The following GNB4 variants were observed in gnomAD, a reference collection of about 807,000 sequenced individuals.
The protein encoded by GNB4 is guanine nucleotide-binding protein subunit beta-4.
Under a neutral mutation model 45.2 loss-of-function variants are expected in GNB4, and 28 were observed. That is an observed-to-expected ratio of 0.62 (90% CI 0.46 to 0.85). The LOEUF is 0.85. Ranked by LOEUF, GNB4 falls within the 40% of genes least tolerant of loss-of-function variation. The pLI is 0.00. For synonymous variants in GNB4, 132 were observed against 143.7 expected (o/e 0.92, Z 0.58); for missense variants, 321 against 425.4 (o/e 0.75, Z 2.16).
intron 1 of GNB4, among the ~76,000 whole-genome samples, chr3:179,430,448 C>G (rs1030038825): frequency 1.3e-5 from 2 of 151,738 alleles, no homozygotes; most frequent in African/African-American, 4.8e-5. Flanking sequence ...AATTCCTCCA[C>G]TGGTGATTCA....
chr3:179,450,323 C>G (rs1007199641), intron 1 of GNB4, among the ~76,000 whole-genome samples: 1 of 152,172 alleles, frequency 6.6e-6, no homozygotes, highest in Non-Finnish European at 1.5e-5. Context: ...CAGCCGTCCT[C>G]CTCTCCGACT....
chr3:179,464,489 G>A, the GNB4 span: 5 of 1,611,476 alleles, frequency 3.1e-6, no homozygotes, highest in South Asian at 3.3e-5. Flanking sequence ...TGGCCCAGCA[G>A]ATCAAGCAGG....
chr3:179,441,426 T>C (rs1371938210), intron 1 of GNB4, among the ~76,000 whole-genome samples: 1 of 152,016 alleles, frequency 6.6e-6, no homozygotes, highest in Non-Finnish European at 1.5e-5. Flanking sequence ...TATCTAAATA[T>C]AGAAAAGACA....
the GNB4 span, among the ~76,000 whole-genome samples, chr3:179,480,546 C>G: frequency 6.7e-6 from 1 of 149,618 alleles, no homozygotes; most frequent in Non-Finnish European, 1.5e-5. Context: ...AATAAGGATC[C>G]TCTCGGAGGA....
chr3:179,413,397 A>G lies in GNB4; in HGVS notation c.699+15T>C. 5 of 1,601,836 alleles carry G rather than the reference A, an allele frequency of 3.1e-6. No homozygotes were observed. The highest frequency in any genetic ancestry group is 4.3e-6 in the Non-Finnish European group (5 of 1,168,838). Reference sequence around the variant, plus strand: ...AATGCATAATAAATTTTCTCTAGAAATGCTATTCACTTACACTGACAGCAT... The same window carrying G: ...AATGCATAATAAATTTTCTCTAGAAGTGCTATTCACTTACACTGACAGCAT... On this transcript the variant is annotated intron_variant, in intron 8 of 9. Transcript: ENST00000232564.
the GNB4 span, among the ~76,000 whole-genome samples, chr3:179,461,849 A>G: frequency 6.6e-6 from 1 of 152,232 alleles, no homozygotes; most frequent in Non-Finnish European, 1.5e-5. Context: ...CATAGAACAC[A>G]AGGGTGATGC....
the GNB4 span, among the ~76,000 whole-genome samples, chr3:179,491,237 T>C: frequency 6.6e-6 from 1 of 152,164 alleles, no homozygotes; most frequent in Non-Finnish European, 1.5e-5. Flanking sequence ...ATTAGAAGAA[T>C]AAAAAATTTT....
At chr3:179,457,904 CT>C in the GNB4 span, among the ~76,000 whole-genome samples, 20,717 of 137,770 alleles carry the variant, frequency 0.15, 1,454 homozygotes, top group Admixed American at 0.19. Context: ...CATTTTAGTT[CT>C]TTTTTTTTTT....
chr3:179,499,335 A>G, the GNB4 span, among the ~76,000 whole-genome samples: 1 of 151,560 alleles, frequency 6.6e-6, no homozygotes, highest in African/African-American at 2.4e-5. Context: ...TTCTTTTTGT[A>G]TTTTTAGTAG....
chr3:179,513,750 T>G, the GNB4 span, among the ~76,000 whole-genome samples: 3 of 152,236 alleles, frequency 2.0e-5, no homozygotes, highest in Non-Finnish European at 4.4e-5. Flanking sequence ...TCTTTGATAC[T>G]GTTTTTTATT....
At chr3:179,505,789 A>G in the GNB4 span, among the ~76,000 whole-genome samples, 3 of 152,196 alleles carry the variant, frequency 2.0e-5, no homozygotes, top group African/African-American at 7.2e-5. Context: ...TCCCTACTAA[A>G]AGAATAGCAT....
At chr3:179,411,154 C>T (rs1024735949) in intron 8 of GNB4, among the ~76,000 whole-genome samples, 1 of 151,936 alleles carries the variant, frequency 6.6e-6, no homozygotes, top group African/African-American at 2.4e-5. Context: ...TGAGAGACAC[C>T]TAGAGGCCCC....
intron 3 of GNB4, among the ~76,000 whole-genome samples, 192 bp downstream of exon 3, chr3:179,420,697 T>C (rs760155000): frequency 1.3e-5 from 2 of 152,064 alleles, no homozygotes; most frequent in African/African-American, 2.4e-5. Flanking sequence ...TCCATAGATG[T>C]CTATTTTAAC....
intron 1 of GNB4, among the ~76,000 whole-genome samples, chr3:179,447,993 G>A (rs1217688865): frequency 6.6e-6 from 1 of 152,164 alleles, no homozygotes; most frequent in Non-Finnish European, 1.5e-5. Flanking sequence ...GTTATCTGTT[G>A]CCTGTGTCAA....
the GNB4 span, among the ~76,000 whole-genome samples, chr3:179,469,526 G>A: frequency 2.2e-4 from 33 of 152,228 alleles, no homozygotes; most frequent in African/African-American, 7.7e-4. Flanking sequence ...GTTGTGTCAA[G>A]TTCTGCATGA....
chr3:179,407,746 G>C (rs1714514489), intron 8 of GNB4, among the ~76,000 whole-genome samples: 1 of 147,860 alleles, frequency 6.8e-6, no homozygotes, highest in Non-Finnish European at 1.5e-5. Flanking sequence ...GATCAGCAGA[G>C]CCGTGTGAGA....
intron 1 of GNB4, among the ~76,000 whole-genome samples, chr3:179,446,091 C>T (rs921777286): frequency 6.6e-6 from 1 of 152,200 alleles, no homozygotes; most frequent in Non-Finnish European, 1.5e-5. Flanking sequence ...TCTCTATAAA[C>T]ATACTGGAAA....
rs1560205964 is a variant in GNB4, at chr3:179,396,683, TAGG to T, written c.*4527_*4529del. 3.3e-5 allele frequency: 5 copies of T among 152,202 alleles called. No homozygotes were observed. The South Asian group carries it at 1.0e-3, about 32-fold the overall frequency. 9.4% of individuals were successfully genotyped at this position (152,202 alleles called of 1,614,324 possible). Reference sequence around the variant, plus strand: ...GCAACTGGATTTAAGAAAGAAGACATAGGAGATTTTATCAACATGCAAACATTT... The same window carrying T: ...GCAACTGGATTTAAGAAAGAAGACATAGATTTTATCAACATGCAAACATTT... On this transcript the variant is annotated 3_prime_UTR_variant, in exon 10 of 10. Coordinates refer to ENST00000232564, the MANE Select transcript of GNB4 (RefSeq NM_021629.4).
At chr3:179,442,296 G>T (rs1469816057) in intron 1 of GNB4, among the ~76,000 whole-genome samples, 1 of 152,078 alleles carries the variant, frequency 6.6e-6, no homozygotes, top group Non-Finnish European at 1.5e-5. Flanking sequence ...TGAATTCATT[G>T]AACCCATTTT....
Sources: gnomAD v4.1 joint callset for allele counts (sites outside exome capture counted in the v4.1 genomes callset) on GRCh38, gnomAD v4.1.1 for gene constraint, MANE v1.5 for transcripts, NCBI Gene and HGNC (gene_info 2026-07-23, HGNC 2026-07-21) for gene names.